The following FBXO4 variants were observed in gnomAD, a reference collection of about 807,000 sequenced individuals.
The protein encoded by FBXO4 is F-box only protein 4.
In FBXO4, 36 loss-of-function variants were observed where a neutral mutation model predicts 43.7. The observed-to-expected ratio is 0.82, with a 90% CI of 0.63 to 1.09. The LOEUF is 1.09. Among genes scored for constraint, FBXO4 ranks in the 50% least tolerant of loss-of-function variants. The pLI, the probability that FBXO4 is intolerant of heterozygous loss-of-function variation, is 0.00. For synonymous variants in FBXO4, 180 were observed against 165.6 expected (o/e 1.09, Z -0.67); for missense variants, 435 against 474.1 (o/e 0.92, Z 0.77).
At chr5:41,968,080 A>G in the FBXO4 span, 1 of 356,308 alleles carries the variant, frequency 2.8e-6, no homozygotes, top group South Asian at 2.3e-5. Flanking sequence ...AGCTTCATTT[A>G]GTTGGCAATG....
chr5:41,931,683 A>G, intron 3 of FBXO4, among the ~76,000 whole-genome samples: 1 of 152,244 alleles, frequency 6.6e-6, no homozygotes, highest in Admixed American at 6.5e-5. Flanking sequence ...CCAGCTCTCA[A>G]GAGCAAGATC....
At chr5:42,028,720 C>A in the FBXO4 span, among the ~76,000 whole-genome samples, 1 of 150,958 alleles carries the variant, frequency 6.6e-6, no homozygotes, top group African/African-American at 2.4e-5. Flanking sequence ...TTGAGGTTAC[C>A]ATGAAGGTTG....
chr5:42,014,910 C>T, the FBXO4 span, among the ~76,000 whole-genome samples: 1 of 151,960 alleles, frequency 6.6e-6, no homozygotes, highest in Non-Finnish European at 1.5e-5. Context: ...GTTTCATTAC[C>T]CTCAGCCCAA....
the FBXO4 span, among the ~76,000 whole-genome samples, chr5:42,022,932 T>C: frequency 1.3e-5 from 2 of 152,106 alleles, no homozygotes; most frequent in Non-Finnish European, 2.9e-5. Context: ...ATTCTGTGAA[T>C]AGATAATTTG....
chr5:42,001,649 A>G, the FBXO4 span, among the ~76,000 whole-genome samples: 3 of 152,020 alleles, frequency 2.0e-5, no homozygotes, highest in African/African-American at 4.8e-5. Flanking sequence ...TTTTGTTGCT[A>G]TTGTGAATGG....
the FBXO4 span, among the ~76,000 whole-genome samples, chr5:41,985,613 A>T: frequency 6.6e-6 from 1 of 152,154 alleles, no homozygotes; most frequent in African/African-American, 2.4e-5. Flanking sequence ...GAGAGAGGTG[A>T]AGTGTGCTTT....
chr5:41,953,828 A>C, the FBXO4 span, among the ~76,000 whole-genome samples: 1 of 151,822 alleles, frequency 6.6e-6, no homozygotes, highest in Non-Finnish European at 1.5e-5. Flanking sequence ...TCCTTTGCCC[A>C]CTTTTTGATG....
the FBXO4 span, among the ~76,000 whole-genome samples, chr5:41,979,886 T>A: frequency 1.3e-5 from 2 of 152,192 alleles, no homozygotes; most frequent in Non-Finnish European, 2.9e-5. Flanking sequence ...TCACAGACTT[T>A]CTTTCTGCTT....
chr5:41,969,422 C>T, the FBXO4 span, among the ~76,000 whole-genome samples: 1 of 152,106 alleles, frequency 6.6e-6, no homozygotes, highest in Non-Finnish European at 1.5e-5. Flanking sequence ...TGGAGGTATC[C>T]CTATGTCTTA....
At chr5:41,989,433 T>C in the FBXO4 span, among the ~76,000 whole-genome samples, 3 of 152,154 alleles carry the variant, frequency 2.0e-5, no homozygotes, top group African/African-American at 7.2e-5. Flanking sequence ...ATATATTCCG[T>C]TACGATCTTA....
chr5:42,018,283 ACAC>A, the FBXO4 span, among the ~76,000 whole-genome samples: 1 of 151,810 alleles, frequency 6.6e-6, no homozygotes, highest in African/African-American at 2.4e-5. Flanking sequence ...AATAATGAGA[ACAC>A]CAAACATAAA....
At chr5:41,993,888 A>G in the FBXO4 span, among the ~76,000 whole-genome samples, 1 of 152,080 alleles carries the variant, frequency 6.6e-6, no homozygotes, top group Admixed American at 6.6e-5. Flanking sequence ...ATTGGCTGGC[A>G]GCTGATAAGA....
At chr5:41,937,299 A>G (rs1751876017) in intron 5 of FBXO4, among the ~76,000 whole-genome samples, 1 of 152,240 alleles carries the variant, frequency 6.6e-6, no homozygotes, top group Admixed American at 6.5e-5. Context: ...ACATACATAC[A>G]GGCCAAGATA....
chr5:41,929,288 T>A (rs1751603610), intron 2 of FBXO4, among the ~76,000 whole-genome samples: 1 of 152,136 alleles, frequency 6.6e-6, no homozygotes, highest in Admixed American at 6.5e-5. Context: ...TAACTTCTTC[T>A]CCCCTCCCCA....
chr5:41,941,775 T>A (rs538704996), downstream of FBXO4: 5 of 152,886 alleles, frequency 3.3e-5, no homozygotes, highest in Admixed American at 2.0e-4. Flanking sequence ...ATTATGGCCA[T>A]ACAATCTGTC....
chr5:41,995,012 T>C, the FBXO4 span, among the ~76,000 whole-genome samples: 2 of 152,132 alleles, frequency 1.3e-5, no homozygotes, highest in African/African-American at 4.8e-5. Context: ...GGAGAACTTT[T>C]CCCAAGCCCT....
Position 41,925,384 on chromosome 5 carries a change from G to C in FBXO4, c.75G>C (p.Ala25=). 1 of 1,384,982 alleles carries C rather than the reference G, an allele frequency of 7.2e-7. No homozygotes were observed. Among genetic ancestry groups the C allele is most frequent in the Non-Finnish European group, 9.4e-7 (1 of 1,065,800 alleles). 85.8% of individuals were successfully genotyped at this position (1,384,982 alleles called of 1,614,324 possible). The stretch of plus-strand genomic sequence containing the variant: ...TCAGCGACTGGGGCCGCCTGGAGGC[G>C]GCCATCCTCAGCGGCTGGAAGACCT... ...PPFSDWGRLE[A]AILSGWKTFW... Residue 25 remains alanine, a synonymous_variant, in exon 1 of 7, where the codon GCG becomes GCC. Coordinates refer to ENST00000281623, the MANE Select transcript of FBXO4 (RefSeq NM_012176.3).
the FBXO4 span, among the ~76,000 whole-genome samples, chr5:41,948,900 T>C: frequency 6.6e-6 from 1 of 152,182 alleles, no homozygotes; most frequent in African/African-American, 2.4e-5. Context: ...GTTGCAAGGC[T>C]GGTTCAACAT....
intron 5 of FBXO4, among the ~76,000 whole-genome samples, chr5:41,935,405 C>T (rs943441464): frequency 3.3e-5 from 5 of 152,178 alleles, no homozygotes; most frequent in African/African-American, 1.2e-4. Context: ...GGTATATCCT[C>T]CTGCTTTCTA....
Sources: gnomAD v4.1 joint callset for allele counts (sites outside exome capture counted in the v4.1 genomes callset) on GRCh38, gnomAD v4.1.1 for gene constraint, MANE v1.5 for transcripts, NCBI Gene and HGNC (gene_info 2026-07-23, HGNC 2026-07-21) for gene names.